Variants in LRRC4C observed in about 807,000 individuals in gnomAD.
LRRC4C encodes leucine-rich repeat-containing protein 4C.
A neutral mutation model predicts 33.6 loss-of-function variants in LRRC4C; 5 were observed. The ratio of observed to expected loss-of-function variants is 0.15; its 90% CI spans 0.08 to 0.31. The LOEUF (loss-of-function observed/expected upper bound fraction) is 0.31, where lower values mean the gene tolerates loss of function less well. Ranked by LOEUF, LRRC4C falls within the 10% of genes least tolerant of loss-of-function variation. LRRC4C has a pLI of 1.00. For synonymous variants in LRRC4C, 329 were observed against 302.0 expected (o/e 1.09, Z -0.93); for missense variants, 560 against 796.7 (o/e 0.70, Z 3.58).
intron 3 of LRRC4C, among the ~76,000 whole-genome samples, chr11:40,330,528 A>G (rs538528398): frequency 3.3e-5 from 5 of 152,166 alleles, no homozygotes; most frequent in African/African-American, 1.2e-4. Context: ...AATACCCAAG[A>G]CTGGGTAATT....
At chr11:41,159,892 T>C (rs1332938188) in intron 1 of LRRC4C, among the ~76,000 whole-genome samples, 1 of 152,120 alleles carries the variant, frequency 6.6e-6, no homozygotes, top group Non-Finnish European at 1.5e-5. Flanking sequence ...CATTTGATTT[T>C]AGTGGAATAT....
At chr11:40,699,736 A>G (rs953984708) in intron 2 of LRRC4C, among the ~76,000 whole-genome samples, 2 of 152,216 alleles carry the variant, frequency 1.3e-5, no homozygotes, top group Admixed American at 1.3e-4. Context: ...TCCCTAAGGA[A>G]TATTGATGGA....
intron 1 of LRRC4C, among the ~76,000 whole-genome samples, chr11:41,180,541 C>A (rs1279488935): frequency 6.6e-6 from 1 of 152,182 alleles, no homozygotes; most frequent in African/African-American, 2.4e-5. Context: ...CTTCCACTTG[C>A]CCTTTGCAAA....
chr11:41,091,069 G>T (rs991111976), intron 1 of LRRC4C, among the ~76,000 whole-genome samples: 2 of 152,076 alleles, frequency 1.3e-5, no homozygotes, highest in Non-Finnish European at 2.9e-5. Context: ...TGCCAAAACT[G>T]AGATGGCACA....
chr11:40,622,800 A>G (rs2135961445), intron 3 of LRRC4C, among the ~76,000 whole-genome samples: 1 of 151,928 alleles, frequency 6.6e-6, no homozygotes, highest in East Asian at 1.9e-4. Flanking sequence ...TCTCTATATC[A>G]TAGAACACTT....
intron 2 of LRRC4C, among the ~76,000 whole-genome samples, chr11:40,853,771 T>C (rs186277536): frequency 2.0e-5 from 3 of 152,142 alleles, no homozygotes; most frequent in African/African-American, 7.2e-5. Context: ...GGGAAGGAAA[T>C]GTTACTTTAG....
intron 2 of LRRC4C, among the ~76,000 whole-genome samples, chr11:40,743,784 G>A (rs1015192860): frequency 2.0e-5 from 3 of 152,004 alleles, no homozygotes; most frequent in East Asian, 1.9e-4. Flanking sequence ...GGTCCAGAAA[G>A]GTCCAGCTCC....
At chr11:40,409,700 T>C (rs2137624441) in intron 3 of LRRC4C, among the ~76,000 whole-genome samples, 1 of 152,118 alleles carries the variant, frequency 6.6e-6, no homozygotes, top group East Asian at 1.9e-4. Flanking sequence ...TCATATCTAT[T>C]GGAATGGCCA....
At chr11:40,748,737 G>A (rs188859038) in intron 2 of LRRC4C, among the ~76,000 whole-genome samples, 8 of 152,122 alleles carry the variant, frequency 5.3e-5, no homozygotes, top group South Asian at 2.1e-4. Context: ...TACTAGAAAC[G>A]CACTTTACCT....
At chr11:40,495,246 G>A (rs575396124) in intron 3 of LRRC4C, among the ~76,000 whole-genome samples, 2 of 152,220 alleles carry the variant, frequency 1.3e-5, no homozygotes, top group South Asian at 2.1e-4. Flanking sequence ...TGTGCGAAGC[G>A]AGGAGGTTCA....
chr11:40,858,581 T>C (rs1049185251), intron 2 of LRRC4C, among the ~76,000 whole-genome samples: 2 of 151,038 alleles, frequency 1.3e-5, no homozygotes, highest in African/African-American at 2.4e-5. Context: ...TGTAACACAG[T>C]TACTCTGGTG....
chr11:40,212,582 C>A (rs1051478084), intron 5 of LRRC4C, among the ~76,000 whole-genome samples: 3 of 152,044 alleles, frequency 2.0e-5, no homozygotes, highest in East Asian at 3.9e-4. Context: ...TGGGTCTTTG[C>A]TCCCAGTGAA....
chr11:41,202,774 C>G (rs2136272727), intron 1 of LRRC4C, among the ~76,000 whole-genome samples: 1 of 148,438 alleles, frequency 6.7e-6, no homozygotes, highest in Admixed American at 7.2e-5. Flanking sequence ...TCTCAGAGAC[C>G]CCTTTGAAAA....
intron 1 of LRRC4C, among the ~76,000 whole-genome samples, chr11:41,214,178 G>C (rs1177190621): frequency 1.3e-5 from 2 of 152,010 alleles, no homozygotes; most frequent in Non-Finnish European, 2.9e-5. Flanking sequence ...CTCCAAATAA[G>C]AAGAATATGA....
intron 3 of LRRC4C, among the ~76,000 whole-genome samples, chr11:40,342,250 C>T (rs1946901308): frequency 6.6e-6 from 1 of 152,086 alleles, no homozygotes; most frequent in South Asian, 2.1e-4. Context: ...GTGGGTGGAT[C>T]ATGAGGTCAA....
At chr11:41,049,999 A>G (rs1858086233) in intron 1 of LRRC4C, among the ~76,000 whole-genome samples, 1 of 152,230 alleles carries the variant, frequency 6.6e-6, no homozygotes, top group African/African-American at 2.4e-5. Context: ...TGGAATATGG[A>G]GGAAAATTTC....
At chr11:40,281,631 G>C (rs570394666) in intron 4 of LRRC4C, among the ~76,000 whole-genome samples, 1 of 152,218 alleles carries the variant, frequency 6.6e-6, no homozygotes, top group South Asian at 2.1e-4. Flanking sequence ...ACCATTAGTT[G>C]AAAGAAAACA....
chr11:40,982,118 T>C (rs945716526), intron 1 of LRRC4C, among the ~76,000 whole-genome samples: 2 of 152,160 alleles, frequency 1.3e-5, no homozygotes, highest in African/African-American at 4.8e-5. Context: ...CAAGAAACAA[T>C]ATCATGGCTG....
At chr11:40,261,698 C>G (rs1023727311) in intron 4 of LRRC4C, among the ~76,000 whole-genome samples, 1 of 151,256 alleles carries the variant, frequency 6.6e-6, no homozygotes, top group African/African-American at 2.4e-5. Context: ...AGTGATGAAG[C>G]TAAAAAAAGA....
Sources: allele counts gnomAD v4.1 joint callset (sites outside exome capture counted in the v4.1 genomes callset), GRCh38; gene constraint gnomAD v4.1.1; transcripts MANE v1.5; gene names NCBI Gene and HGNC (gene_info 2026-07-23, HGNC 2026-07-21).